Variants in HIVEP1 observed in about 807,000 individuals in gnomAD.
HIVEP1 encodes HIVEP zinc finger 1.
Under a neutral mutation model 180.0 loss-of-function variants are expected in HIVEP1, and 36 were observed. That is an observed-to-expected ratio of 0.20 (90% CI 0.15 to 0.26). HIVEP1 has a LOEUF of 0.26. Among genes scored for constraint, HIVEP1 ranks in the 10% least tolerant of loss-of-function variants. The pLI is 1.00. For synonymous variants in HIVEP1, 1,239 were observed against 1,239.0 expected (o/e 1.00, Z 0.00); for missense variants, 3,143 against 3,268.7 (o/e 0.96, Z 0.94).
the HIVEP1 span, among the ~76,000 whole-genome samples, chr6:12,204,996 G>A: frequency 6.6e-6 from 1 of 152,202 alleles, no homozygotes; most frequent in African/African-American, 2.4e-5. Context: ...CCGGTGCAAA[G>A]GCACTGGGGC....
At chr6:12,075,602 T>C (rs58790093) in intron 2 of HIVEP1, among the ~76,000 whole-genome samples, 2,063 of 151,590 alleles carry the variant, frequency 0.014, 22 homozygotes, top group Middle Eastern at 0.065. Context: ...TTTTTTTTTT[T>C]CTAAACTTCA....
At chr6:12,059,428 A>G (rs79369635) in intron 2 of HIVEP1, among the ~76,000 whole-genome samples, 3,881 of 152,322 alleles carry the variant, frequency 0.025, 175 homozygotes, top group African/African-American at 0.089. Flanking sequence ...ACCAACAGCA[A>G]TGAATAATTT....
At chr6:12,208,213 C>T in the HIVEP1 span, among the ~76,000 whole-genome samples, 1 of 152,104 alleles carries the variant, frequency 6.6e-6, no homozygotes, top group South Asian at 2.1e-4. Flanking sequence ...AGCTACATGC[C>T]TTGTAGCACC....
intron 3 of HIVEP1, among the ~76,000 whole-genome samples, chr6:12,099,452 C>G (rs982341984): frequency 2.6e-5 from 4 of 152,082 alleles, no homozygotes. Flanking sequence ...AGGCGTGAGC[C>G]ACCGCGCCCG....
At chr6:12,055,477 A>C (rs1470007738) in intron 2 of HIVEP1, among the ~76,000 whole-genome samples, 2 of 152,196 alleles carry the variant, frequency 1.3e-5, no homozygotes, top group Non-Finnish European at 2.9e-5. Context: ...TCTCAAAAAA[A>C]AAATAAAAAG....
In HIVEP1 at chr6:12,120,929, T is replaced by C. The variant is rs1005705929; in HGVS notation, c.1134T>C (p.His378=). ...CCATGCCAATCTATAATTCAACTCA[T>C]GTTGCCTCTGTTGTTAATCAAAGCG... ...SPPMPIYNST[H]VASVVNQSVE... The change falls in exon 4 of 9, where the codon CAT becomes CAC. Residue 378 remains histidine, a synonymous_variant. Transcript: ENST00000379388. The C allele has an allele frequency of 1.9e-6, 3 of 1,614,044 alleles. No homozygotes were observed. Among genetic ancestry groups the C allele is most frequent in the African/African-American group, 2.7e-5 (2 of 74,924 alleles).
In HIVEP1 at chr6:12,123,577, G is replaced by C; in HGVS notation, c.3782G>C (p.Ser1261Thr). 4 of 1,614,098 alleles carry C rather than the reference G, an allele frequency of 2.5e-6. No homozygotes were observed. The highest frequency in any genetic ancestry group is 3.4e-6 in the Non-Finnish European group (4 of 1,180,040). The change falls in exon 4 of 9, where the codon AGT (serine) becomes ACT (threonine). Residue 1261 changes from serine to threonine, a missense_variant. Physicochemically the swap from Ser to Thr is moderately conservative, Grantham distance 58. This residue lies in a region of HIVEP1 where 1,357 missense variants were observed against 1,260.5 expected (regional missense o/e 1.08). Transcript: ENST00000379388. ...GATCAAGAAAAGTCAGAGAAGTTCAGTTGGCCCCAGCGTAGTGAAACCTTG... is the reference window on the plus strand; with the variant it reads ...GATCAAGAAAAGTCAGAGAAGTTCACTTGGCCCCAGCGTAGTGAAACCTTG... ...CHDQEKSEKFSWPQRSETLSK... is the reference protein window; with the variant it reads ...CHDQEKSEKFTWPQRSETLSK...
chr6:12,154,706 A>G (rs1759915842), intron 7 of HIVEP1, among the ~76,000 whole-genome samples: 1 of 152,186 alleles, frequency 6.6e-6, no homozygotes, highest in Non-Finnish European at 1.5e-5. Context: ...CTTGAAACCT[A>G]GAAGACGGGT....
At chr6:12,056,536 T>C (rs1770885814) in intron 2 of HIVEP1, among the ~76,000 whole-genome samples, 1 of 152,218 alleles carries the variant, frequency 6.6e-6, no homozygotes, top group African/African-American at 2.4e-5. Flanking sequence ...CTTATTCTTA[T>C]CGATTCAGTT....
chr6:12,115,275 T>C (rs1488267775), intron 3 of HIVEP1, among the ~76,000 whole-genome samples: 3 of 151,978 alleles, frequency 2.0e-5, no homozygotes, highest in Non-Finnish European at 2.9e-5. Flanking sequence ...ATAAATAGAT[T>C]TGTGCCTTGG....
upstream of HIVEP1, chr6:12,008,686 A>G (rs1767126757): frequency 6.6e-6 from 1 of 152,102 alleles, no homozygotes; most frequent in Admixed American, 6.5e-5. Flanking sequence ...GGTGCACTAG[A>G]TAACATCAAA....
intron 2 of HIVEP1, among the ~76,000 whole-genome samples, chr6:12,060,702 T>C (rs145195747): frequency 5.3e-5 from 8 of 152,328 alleles, no homozygotes; most frequent in African/African-American, 1.9e-4. Flanking sequence ...CAGCAAATCA[T>C]AATCATCTTT....
intron 2 of HIVEP1, among the ~76,000 whole-genome samples, chr6:12,022,100 T>G (rs1018555613): frequency 6.6e-6 from 1 of 152,232 alleles, no homozygotes; most frequent in Non-Finnish European, 1.5e-5. Context: ...TTGTGATAAT[T>G]TTAATTGCCT....
At chr6:12,013,483 T>TGGGTAGGCAATGAACGGGGTAGC (rs1767528601) in intron 1 of HIVEP1, among the ~76,000 whole-genome samples, 1 of 152,078 alleles carries the variant, frequency 6.6e-6, no homozygotes. Context: ...CTAGGGACAG[T>TGGGTAGGCAATGAACGGGGTAGC]GGGTAGGCAA....
chr6:12,020,324 C>T (rs1768099903), intron 2 of HIVEP1: 3 of 471,050 alleles, frequency 6.4e-6, no homozygotes, highest in Non-Finnish European at 8.8e-6. Flanking sequence ...ATGAGAGCAG[C>T]ACTTGGTGTT....
At chr6:12,109,155 A>AT (rs35549154) in intron 3 of HIVEP1, among the ~76,000 whole-genome samples, 63,108 of 151,014 alleles carry the variant, frequency 0.42, 13,343 homozygotes, top group Non-Finnish European at 0.46. Flanking sequence ...AATTTTTTAA[A>AT]TTTTTTTAAA....
chr6:12,128,581 A>G (rs1758232067), intron 4 of HIVEP1, among the ~76,000 whole-genome samples: 2 of 152,252 alleles, frequency 1.3e-5, no homozygotes, highest in African/African-American at 2.4e-5. Context: ...GACCTGGGAC[A>G]AGGAACTTCA....
chr6:12,196,640 C>G, the HIVEP1 span, among the ~76,000 whole-genome samples: 1 of 152,126 alleles, frequency 6.6e-6, no homozygotes, highest in Non-Finnish European at 1.5e-5. Context: ...TCCTTCCTTC[C>G]CATCATCATT....
the HIVEP1 span, among the ~76,000 whole-genome samples, chr6:12,203,569 G>A: frequency 3.9e-5 from 6 of 152,258 alleles, no homozygotes; most frequent in East Asian, 9.7e-4. Context: ...CAGAGTCCCT[G>A]GCAAGCTATT....
Sources: gnomAD v4.1 joint callset for allele counts (sites outside exome capture counted in the v4.1 genomes callset) on GRCh38, gnomAD v4.1.1 for gene constraint, gnomAD v4.1.1 regional missense constraint, MANE v1.5 for transcripts, NCBI Gene and HGNC (gene_info 2026-07-23, HGNC 2026-07-21) for gene names.